Variants in GPR158 observed in about 807,000 individuals in gnomAD.
The protein encoded by GPR158 is metabotropic glycine receptor.
GPR158 carries 30 observed loss-of-function variants against 78.2 expected under a neutral mutation model. The ratio of observed to expected loss-of-function variants is 0.38; its 90% CI spans 0.29 to 0.52. The LOEUF is 0.52. GPR158 is among the 20% of genes least tolerant of loss of function. The pLI is 0.83. For missense variants in GPR158, 1,463 were observed against 1,523.5 expected (o/e 0.96, Z 0.66); for synonymous variants, 581 against 591.1 (o/e 0.98, Z 0.25).
At chr10:25,433,201 A>G (rs77217090) in intron 4 of GPR158, among the ~76,000 whole-genome samples, 2,541 of 152,324 alleles carry the variant, frequency 0.017, 26 homozygotes, top group Non-Finnish European at 0.027. Context: ...GTGCTGTCCT[A>G]TCTCTCACAC....
intron 2 of GPR158, among the ~76,000 whole-genome samples, chr10:25,315,719 TAAAAC>T (rs1238423421): frequency 1.1e-4 from 11 of 101,310 alleles, no homozygotes; most frequent in African/African-American, 8.4e-4. Context: ...AAAGTTTCCT[TAAAAC>T]TTTAAAGTTT....
rs969434004 is a variant in GPR158 at position 25,202,202 on chromosome 10, A to G, written c.903-18850A>G. Among the ~76,000 whole-genome samples the G allele has an allele frequency of 5.3e-5, 8 of 151,838 alleles. No homozygotes were observed. The South Asian group carries it at 1.5e-3, about 28-fold the overall frequency. On this transcript the variant is annotated intron_variant, in intron 1 of 10. Transcript: ENST00000376351. ...GAATTTGTTATTGGTCTGTTCAGGG[A>G]TTCAGTTTCTTCCTGGTTAAATACT...
chr10:25,283,076 A>T (rs1055060902), intron 2 of GPR158, among the ~76,000 whole-genome samples: 2 of 152,024 alleles, frequency 1.3e-5, no homozygotes, highest in Non-Finnish European at 2.9e-5. Context: ...GATTTTGTAG[A>T]GTTCAGAGTA....
rs1182231998 is a variant in GPR158, at chr10:25,193,183, G to C, written c.902+16861G>C. On this transcript the variant is annotated intron_variant, in intron 1 of 10. Transcript: ENST00000376351. The stretch of plus-strand genomic sequence containing the variant: ...AAAATCCCTGTCCTCATGGACTCTT[G>C]TGGGGATGGGGGAAATGCATAATAA... Among the ~76,000 whole-genome samples the C allele has an allele frequency of 2.6e-5, 4 of 152,128 alleles. No homozygotes were observed. In the East Asian group the frequency reaches 7.7e-4, roughly 29 times the overall value.
At chr10:25,388,650 G>C (rs551526520) in intron 2 of GPR158, among the ~76,000 whole-genome samples, 1 of 152,370 alleles carries the variant, frequency 6.6e-6, no homozygotes, top group East Asian at 1.9e-4. Context: ...AGGGCGGGCA[G>C]AAGTGGAGCT....
At chr10:25,426,993 AT>A (rs57243250) in intron 4 of GPR158, among the ~76,000 whole-genome samples, 106,063 of 151,640 alleles carry the variant, frequency 0.7, 38,088 homozygotes, top group Non-Finnish European at 0.8. Flanking sequence ...TAGTTTTAAT[AT>A]TTTTTTGCTA....
intron 5 of GPR158, among the ~76,000 whole-genome samples, chr10:25,508,540 A>T (rs570183698): frequency 2.0e-5 from 3 of 152,320 alleles, no homozygotes; most frequent in Admixed American, 1.3e-4. Flanking sequence ...TTTTGTGCAC[A>T]GTCTCTGTAT....
intron 2 of GPR158, among the ~76,000 whole-genome samples, chr10:25,339,415 A>C (rs746249151): frequency 5.3e-5 from 8 of 152,108 alleles, no homozygotes; most frequent in Non-Finnish European, 1.0e-4. Flanking sequence ...TGATTCTCTT[A>C]GGGTTTCTAT....
intron 5 of GPR158, among the ~76,000 whole-genome samples, chr10:25,527,395 A>G (rs567636507): frequency 3.9e-5 from 6 of 152,356 alleles, no homozygotes; most frequent in Non-Finnish European, 8.8e-5. Flanking sequence ...AAAAAAGAAT[A>G]TCCTATGACT....
At position 25,396,991 on chromosome 10, in the gene GPR158, C is replaced by T. The variant is rs1309384368; in HGVS notation, c.1111+978C>T. Among the ~76,000 whole-genome samples the T allele has an allele frequency of 2.0e-5, 3 of 152,112 alleles. No homozygotes were observed. In the East Asian group the frequency reaches 5.8e-4, roughly 29 times the overall value. ...TTCCCTCAAGACCTAGCTACGTTAC[C>T]CTTTCACAACATGGCTGATTCCTTT... On this transcript the variant is annotated intron_variant, in intron 3 of 10. Transcript: ENST00000376351.
chr10:25,449,239 G>A (rs1588869617), intron 4 of GPR158, among the ~76,000 whole-genome samples: 1 of 152,148 alleles, frequency 6.6e-6, no homozygotes, highest in South Asian at 2.1e-4. Flanking sequence ...GCCAGATCAT[G>A]ATAATGATGT....
intron 5 of GPR158, among the ~76,000 whole-genome samples, chr10:25,497,610 G>A (rs1428480168): frequency 1.3e-5 from 2 of 152,106 alleles, no homozygotes; most frequent in Non-Finnish European, 2.9e-5. Flanking sequence ...TCTATTCTCG[G>A]TATTTAGTTT....
intron 6 of GPR158, among the ~76,000 whole-genome samples, chr10:25,564,556 C>T (rs768617989): frequency 5.3e-5 from 8 of 152,078 alleles, no homozygotes; most frequent in South Asian, 2.1e-4. Context: ...AAAAGCAAGC[C>T]CTTTGAGTCA....
At chr10:25,387,425 G>T (rs1834236992) in intron 2 of GPR158, among the ~76,000 whole-genome samples, 1 of 151,582 alleles carries the variant, frequency 6.6e-6, no homozygotes, top group Non-Finnish European at 1.5e-5. Context: ...CTTGTCTATT[G>T]TTTTCTTTTC....
chr10:25,200,856 G>GTT (rs764033840), intron 1 of GPR158, among the ~76,000 whole-genome samples: 1 of 115,412 alleles, frequency 8.7e-6, no homozygotes. Flanking sequence ...CTATGTATCT[G>GTT]TTTTTTGTTT....
intron 2 of GPR158, among the ~76,000 whole-genome samples, chr10:25,258,098 C>G (rs1853915426): frequency 6.6e-6 from 1 of 152,096 alleles, no homozygotes; most frequent in East Asian, 1.9e-4. Flanking sequence ...TTTTAACTAC[C>G]AGATAACTTC....
chr10:25,491,971 A>G (rs943488717), intron 5 of GPR158, among the ~76,000 whole-genome samples: 3 of 152,108 alleles, frequency 2.0e-5, no homozygotes. Context: ...AGGCTGGGTA[A>G]TTTATAAAGA....
intron 1 of GPR158, among the ~76,000 whole-genome samples, chr10:25,191,151 T>C (rs777496114): frequency 1.1e-4 from 17 of 152,222 alleles, no homozygotes; most frequent in Non-Finnish European, 7.3e-5. Context: ...AGGCATTCGT[T>C]AAAGAACCAA....
chr10:25,327,513 C>T (rs192336848), intron 2 of GPR158, among the ~76,000 whole-genome samples: 5 of 152,174 alleles, frequency 3.3e-5, no homozygotes, highest in African/African-American at 9.6e-5. Context: ...GCTGTGTTCT[C>T]TCCCATTTTG....
Sources: gnomAD v4.1 joint callset for allele counts (sites outside exome capture counted in the v4.1 genomes callset) on GRCh38, gnomAD v4.1.1 for gene constraint, MANE v1.5 for transcripts, NCBI Gene and HGNC (gene_info 2026-07-23, HGNC 2026-07-21) for gene names.